Variants in ENTHD1 observed in about 807,000 individuals in gnomAD.
The protein encoded by ENTHD1 is ENTH domain-containing protein 1.
ENTHD1 carries 23 observed loss-of-function variants against 39.1 expected under a neutral mutation model. The ratio of observed to expected loss-of-function variants is 0.59; its 90% CI spans 0.42 to 0.83. ENTHD1 has a LOEUF of 0.83. Ranked by LOEUF, ENTHD1 falls within the 40% of genes least tolerant of loss-of-function variation. The probability of loss-of-function intolerance (pLI) is 0.00; values close to 1 mark genes in which losing one functional copy is unlikely to be tolerated. For synonymous variants in ENTHD1, 230 were observed against 258.2 expected (o/e 0.89, Z 1.05); for missense variants, 624 against 705.4 (o/e 0.88, Z 1.31).
intron 5 of ENTHD1, among the ~76,000 whole-genome samples, chr22:39,814,464 A>G (rs182431385): frequency 3.3e-5 from 5 of 151,668 alleles, no homozygotes; most frequent in South Asian, 2.1e-4. Context: ...TGTCTCAGGG[A>G]AAAAAAAAGA....
chr22:39,873,584 A>G (rs993103280), intron 2 of ENTHD1, among the ~76,000 whole-genome samples: 2 of 152,228 alleles, frequency 1.3e-5, no homozygotes, highest in African/African-American at 2.4e-5. Context: ...AAATAACTTA[A>G]TATCTCTGAG....
At chr22:39,800,457 T>C (rs1436388268) in intron 5 of ENTHD1, among the ~76,000 whole-genome samples, 1 of 152,232 alleles carries the variant, frequency 6.6e-6, no homozygotes, top group Non-Finnish European at 1.5e-5. Flanking sequence ...TCTGCAAGAA[T>C]CCTGCGTGTC....
rs531731052 is a variant in ENTHD1, at chr22:39,871,353, A to G, written c.350-9346T>C. 8.5e-5 allele frequency among the ~76,000 whole-genome samples: 13 copies of G among 152,332 alleles called. No individual in the cohort carries two copies. In the East Asian group the frequency reaches 1.2e-3, roughly 14 times the overall value. On this transcript the variant is annotated intron_variant, in intron 2 of 6. Transcript: ENST00000325157. ...AACTAATATCGACAGGTAACTTACT[A>G]TGTGACTAACTCTCAGACATATCTC... is the stretch of plus-strand genomic sequence containing the variant.
chr22:39,800,787 A>C (rs2065592482), intron 5 of ENTHD1, among the ~76,000 whole-genome samples: 1 of 152,210 alleles, frequency 6.6e-6, no homozygotes, highest in Non-Finnish European at 1.5e-5. Flanking sequence ...GGATGCAGCA[A>C]TGCATTAAAA....
At chr22:39,746,859 G>A (rs1214784699) in intron 6 of ENTHD1, among the ~76,000 whole-genome samples, 2 of 152,154 alleles carry the variant, frequency 1.3e-5, no homozygotes, top group Admixed American at 1.3e-4. Flanking sequence ...TCATTTCAGA[G>A]ACCTTTCATC....
rs1390300214 is a variant in ENTHD1 at position 39,744,016 on chromosome 22, T to C, written c.1487A>G (p.Asn496Ser). The change falls in exon 7 of 7, where the codon AAT becomes AGT. Residue 496 changes from asparagine (N) to serine (S), a missense_variant. Coordinates refer to ENST00000325157, the MANE Select transcript of ENTHD1 (RefSeq NM_152512.4). The part of the protein sequence containing the change: ...DSLNLLGILP[N>S]NSDSAKKNIS... ...ATTCTTTTTAGCAGAATCAGAGTTA[T>C]TTGGAAGAATTCCCAGTAGATTGAG... 1 of 1,614,170 alleles carries C rather than the reference T, an allele frequency of 6.2e-7. No homozygotes were observed. Among genetic ancestry groups the C allele is most frequent in the Non-Finnish European group, 8.5e-7 (1 of 1,179,992 alleles).
chr22:39,777,671 A>T (rs1023075380), intron 5 of ENTHD1, among the ~76,000 whole-genome samples: 2 of 152,164 alleles, frequency 1.3e-5, no homozygotes, highest in African/African-American at 4.8e-5. Flanking sequence ...TTAAAAAAAT[A>T]AGTGGGTCAG....
intron 3 of ENTHD1, among the ~76,000 whole-genome samples, chr22:39,848,191 T>C (rs2066006078): frequency 6.6e-6 from 1 of 152,232 alleles, no homozygotes; most frequent in African/African-American, 2.4e-5. Flanking sequence ...ACTTGGAATC[T>C]TTCTGACTCC....
chr22:39,764,125 T>C (rs2065256793), intron 6 of ENTHD1, among the ~76,000 whole-genome samples: 1 of 152,192 alleles, frequency 6.6e-6, no homozygotes, highest in Non-Finnish European at 1.5e-5. Context: ...CTTCCATTGT[T>C]TATATTTATA....
chr22:39,892,566 A>G (rs765303063), intron 1 of ENTHD1, among the ~76,000 whole-genome samples: 34 of 152,382 alleles, frequency 2.2e-4, no homozygotes, highest in African/African-American at 3.1e-4. Context: ...GCCAAGTTTT[A>G]CCACCAAATG....
In ENTHD1 at chr22:39,835,047, G is replaced by A. The variant is rs541718226; in HGVS notation, c.711+793C>T. Among the ~76,000 whole-genome samples, 6 of 152,154 alleles carry A rather than the reference G, an allele frequency of 3.9e-5. No individual in the cohort carries two copies. In the South Asian group the frequency reaches 1.0e-3, roughly 26 times the overall value. On this transcript the variant is annotated intron_variant, in intron 4 of 6. Transcript: ENST00000325157. ...CTCTTCATTGTGGCTCTGTTTACACGTATCTATACATGGGATATAATTACA... is the reference window on the plus strand; with the variant it reads ...CTCTTCATTGTGGCTCTGTTTACACATATCTATACATGGGATATAATTACA...
intron 4 of ENTHD1, among the ~76,000 whole-genome samples, chr22:39,828,374 A>G (rs1434257495): frequency 6.6e-6 from 1 of 152,270 alleles, no homozygotes; most frequent in African/African-American, 2.4e-5. Flanking sequence ...ACAATGATGT[A>G]GCAAAAAGAT....
intron 3 of ENTHD1, among the ~76,000 whole-genome samples, chr22:39,838,288 T>G (rs1754211509): frequency 6.6e-6 from 1 of 152,210 alleles, no homozygotes; most frequent in African/African-American, 2.4e-5. Context: ...GTTTAACAAG[T>G]CTTTTTCTAA....
chr22:39,791,548 C>T (rs2146601549), intron 5 of ENTHD1, among the ~76,000 whole-genome samples: 1 of 151,750 alleles, frequency 6.6e-6, no homozygotes, highest in East Asian at 1.9e-4. Flanking sequence ...GTGTGTGCCA[C>T]CAGGCCTGGC....
intron 2 of ENTHD1, among the ~76,000 whole-genome samples, chr22:39,882,271 G>A (rs1337938923): frequency 6.6e-6 from 1 of 152,158 alleles, no homozygotes; most frequent in Non-Finnish European, 1.5e-5. Flanking sequence ...TTGATATTAT[G>A]AATAAAGTAC....
chr22:39,878,851 C>T (rs1260215309), intron 2 of ENTHD1, among the ~76,000 whole-genome samples: 2 of 151,764 alleles, frequency 1.3e-5, no homozygotes, highest in Non-Finnish European at 2.9e-5. Flanking sequence ...TACACATATG[C>T]TTATGTATAA....
intron 6 of ENTHD1, among the ~76,000 whole-genome samples, chr22:39,763,461 G>T (rs1468359257): frequency 1.3e-5 from 2 of 152,082 alleles, no homozygotes; most frequent in Non-Finnish European, 2.9e-5. Context: ...AACTCCTACC[G>T]TGTCTCCCAA....
At chr22:39,861,711 A>G in intron 3 of ENTHD1, 54 bp downstream of exon 3, 1 of 1,321,218 alleles carries the variant, frequency 7.6e-7, no homozygotes. Flanking sequence ...TTATATTTTT[A>G]AATCATTTTT....
In ENTHD1 at chr22:39,821,046, G is replaced by C; in HGVS notation, c.779C>G (p.Ser260Cys). 6.2e-7 allele frequency: 1 copy of C among 1,614,086 alleles called. No homozygotes were observed. Among genetic ancestry groups the C allele is most frequent in the Admixed American group, 1.7e-5 (1 of 60,026 alleles). The change falls in exon 5 of 7, where the codon TCT (serine) becomes TGT (cysteine). Residue 260 changes from serine (S) to cysteine (C), a missense_variant. By Grantham distance (112) the Ser-to-Cys change is moderately radical. Transcript: ENST00000325157. ...TGCTTCTGACAAGCAAGTGATTGGA[G>C]AGACAATGGAAGGAGGTGTTGCTAG... ...PLLATPPSIV[S>C]PITCLSEAEE...
Sources: gnomAD v4.1 joint callset for allele counts (sites outside exome capture counted in the v4.1 genomes callset) on GRCh38, gnomAD v4.1.1 for gene constraint, MANE v1.5 for transcripts, NCBI Gene and HGNC (gene_info 2026-07-23, HGNC 2026-07-21) for gene names.